The following MOBP variants were observed in gnomAD, a reference collection of about 807,000 sequenced individuals.
MOBP encodes the protein myelin-associated oligodendrocyte basic protein.
Under a neutral mutation model 15.0 loss-of-function variants are expected in MOBP, and 5 were observed. The ratio of observed to expected loss-of-function variants is 0.33; its 90% CI spans 0.17 to 0.70. The LOEUF (loss-of-function observed/expected upper bound fraction) is 0.70. Among genes scored for constraint, MOBP ranks in the 30% least tolerant of loss-of-function variants. The pLI, the probability that MOBP is intolerant of heterozygous loss-of-function variation, is 0.67. For missense variants in MOBP, 188 were observed against 257.8 expected (o/e 0.73, Z 1.85); for synonymous variants, 88 against 99.0 (o/e 0.89, Z 0.66).
chr3:39,528,454 G>T (rs1380913707), downstream of MOBP: 1 of 152,172 alleles, frequency 6.6e-6, no homozygotes, highest in Non-Finnish European at 1.5e-5. Context: ...GGTTTCATTA[G>T]GGCATCGGAG....
downstream of MOBP, among the ~76,000 whole-genome samples, chr3:39,516,965 G>A (rs973331138): frequency 2.0e-5 from 3 of 152,164 alleles, no homozygotes; most frequent in Non-Finnish European, 4.4e-5. Context: ...ACCAGAGAAC[G>A]TGGAAACTCA....
intron 2 of MOBP, among the ~76,000 whole-genome samples, chr3:39,484,548 T>C (rs774254401): frequency 1.1e-4 from 16 of 152,050 alleles, no homozygotes; most frequent in Non-Finnish European, 2.2e-4. Flanking sequence ...CTGTAGAAAA[T>C]TGTGGGAATA....
chr3:39,502,177 G>C lies in MOBP; in HGVS notation c.108G>C (p.Lys36Asn). ...CCPPFTFLNS[K>N]KEIVDRKYSI... Reference sequence around the variant, plus strand: ...CGCCGTTCACCTTCCTCAATTCCAAGAAGGAGATAGTGGATCGGAAATACA... The same window carrying C: ...CGCCGTTCACCTTCCTCAATTCCAACAAGGAGATAGTGGATCGGAAATACA... The change falls in exon 3 of 4, where the codon AAG (lysine) becomes AAC (asparagine). Residue 36 changes from lysine (K) to asparagine (N), a missense_variant. This residue lies in a region of MOBP where 133 missense variants were observed against 212.5 expected (regional missense o/e 0.63). Coordinates refer to ENST00000684792, the MANE Select transcript of MOBP (RefSeq NM_001393704.1). This position sits in a 1 kb window ranked among gnomAD's most constrained non-coding sequence, Gnocchi z 6.3. 6.2e-7 allele frequency: 1 copy of C among 1,614,226 alleles called. No individual in the cohort carries two copies. Among genetic ancestry groups the C allele is most frequent in the Non-Finnish European group, 8.5e-7 (1 of 1,180,040 alleles).
At chr3:39,520,577 A>AT (rs869198820), downstream of MOBP, among the ~76,000 whole-genome samples, 10,527 of 93,784 alleles carry the variant, frequency 0.11, 1,104 homozygotes, top group African/African-American at 0.39. Context: ...TGTGTGTATG[A>AT]GAGAGAGAGA....
At chr3:39,501,949 G>GC (rs2042975726) in intron 2 of MOBP, 117 bp from the exon 3 acceptor site, 2 of 802,564 alleles carry the variant, frequency 2.5e-6, no homozygotes, top group Non-Finnish European at 4.1e-6. Context: ...GCTCTGTAGG[G>GC]CCCCCCTGAA....
chr3:39,523,370 T>A (rs2043293576), intron 3 of MOBP, among the ~76,000 whole-genome samples: 1 of 152,194 alleles, frequency 6.6e-6, no homozygotes, highest in Non-Finnish European at 1.5e-5. Context: ...CTTTTATTAT[T>A]CTTGATCATT....
chr3:39,481,660 G>T (rs772246162), intron 2 of MOBP, among the ~76,000 whole-genome samples: 1 of 152,122 alleles, frequency 6.6e-6, no homozygotes, highest in Non-Finnish European at 1.5e-5. Flanking sequence ...AAATTTCTGG[G>T]CTGAGTTGCC....
chr3:39,477,313 A>G (rs1042763307), intron 1 of MOBP, among the ~76,000 whole-genome samples: 1 of 152,030 alleles, frequency 6.6e-6, no homozygotes, highest in African/African-American at 2.4e-5. Flanking sequence ...TGCACTGCAT[A>G]ACAATGTTTT....
At chr3:39,468,386 C>T (rs951874944) in intron 1 of MOBP, among the ~76,000 whole-genome samples, 7 of 152,114 alleles carry the variant, frequency 4.6e-5, no homozygotes, top group African/African-American at 1.7e-4. Flanking sequence ...TGAACTTGGC[C>T]TACAGTACTA....
intron 1 of MOBP, among the ~76,000 whole-genome samples, chr3:39,473,387 G>A (rs2042498008): frequency 6.6e-6 from 1 of 152,194 alleles, no homozygotes; most frequent in Non-Finnish European, 1.5e-5. Context: ...GGAGTCAGAA[G>A]GAGTGAGGGT....
At chr3:39,484,251 C>T (rs1232411014) in intron 2 of MOBP, among the ~76,000 whole-genome samples, 1 of 152,176 alleles carries the variant, frequency 6.6e-6, no homozygotes, top group Non-Finnish European at 1.5e-5. Flanking sequence ...AAAGGTCCAT[C>T]TTCTGATGAC....
In MOBP at chr3:39,502,382, G is replaced by A. The variant is rs1388288713; in HGVS notation, c.206+107G>A. ...CCCACTCTTCCCCCTAGTCGGCTCC[G>A]GGTTAGGCTCCGACACCGGAAGGCA... On this transcript the variant is annotated intron_variant, in intron 3 of 3. Coordinates refer to ENST00000684792, the MANE Select transcript of MOBP (RefSeq NM_001393704.1). This position sits in a 1 kb window ranked among gnomAD's most constrained non-coding sequence, Gnocchi z 6.3. The A allele has an allele frequency of 6.4e-6, 10 of 1,551,896 alleles. No individual in the cohort carries two copies. Among genetic ancestry groups the A allele is most frequent in the Non-Finnish European group, 6.9e-6 (8 of 1,151,708 alleles).
chr3:39,481,456 TATTA>T (rs1024730366), intron 2 of MOBP, among the ~76,000 whole-genome samples: 3 of 152,222 alleles, frequency 2.0e-5, no homozygotes, highest in African/African-American at 4.8e-5. Context: ...TTCTCAAGAA[TATTA>T]ATTATTTCCT....
At chr3:39,481,894 A>G (rs2042633394) in intron 2 of MOBP, among the ~76,000 whole-genome samples, 1 of 152,186 alleles carries the variant, frequency 6.6e-6, no homozygotes, top group Non-Finnish European at 1.5e-5. Flanking sequence ...TTTGATTCCT[A>G]TGATGTCACA....
chr3:39,499,273 C>T (rs1270409901), intron 2 of MOBP, among the ~76,000 whole-genome samples: 2 of 152,150 alleles, frequency 1.3e-5, no homozygotes, highest in Admixed American at 6.5e-5. Context: ...GCTTAGCAGA[C>T]GTTTAGGGTC....
chr3:39,529,466 A>AT (rs1383164330), downstream of MOBP: 9 of 152,034 alleles, frequency 5.9e-5, no homozygotes, highest in Non-Finnish European at 1.3e-4. Flanking sequence ...GTATAATAAA[A>AT]TGAGCAAAAA....
At chr3:39,510,791 G>A (rs1350124974) in intron 4 of MOBP, among the ~76,000 whole-genome samples, 3 of 151,964 alleles carry the variant, frequency 2.0e-5, no homozygotes, top group East Asian at 1.9e-4. Context: ...CCTATTTTTT[G>A]TATATGTTTC....
At chr3:39,487,518 CTTTTT>C (rs1216386382) in intron 2 of MOBP, among the ~76,000 whole-genome samples, 20,021 of 101,104 alleles carry the variant, frequency 0.2, 1,194 homozygotes, top group African/African-American at 0.33. Context: ...AATTTTCTTT[CTTTTT>C]TTTTTTTTTT....
intron 1 of MOBP, among the ~76,000 whole-genome samples, chr3:39,469,938 G>C (rs898034798): frequency 1.8e-4 from 28 of 152,320 alleles, no homozygotes; most frequent in African/African-American, 6.5e-4. Context: ...ACAGTGACCT[G>C]TATGTGATCT....
Sources: allele counts gnomAD v4.1 joint callset (sites outside exome capture counted in the v4.1 genomes callset), GRCh38; gene constraint gnomAD v4.1.1; regional missense constraint gnomAD v4.1.1; non-coding constraint Gnocchi (gnomAD v3.1); transcripts MANE v1.5; gene names NCBI Gene and HGNC (gene_info 2026-07-23, HGNC 2026-07-21).